The following FRMD4B variants were observed in gnomAD, a reference collection of about 807,000 sequenced individuals.
FRMD4B encodes the protein FERM domain containing 4B.
Under a neutral mutation model 141.5 loss-of-function variants are expected in FRMD4B, and 74 were observed. That is an observed-to-expected ratio of 0.52 (90% confidence interval 0.43 to 0.63). FRMD4B has a LOEUF of 0.63. FRMD4B is among the 30% of genes least tolerant of loss of function. The probability of loss-of-function intolerance (pLI) is 0.00; values close to 1 mark genes in which losing one functional copy is unlikely to be tolerated. For synonymous variants in FRMD4B, 506 were observed against 467.9 expected (o/e 1.08, Z -1.05); for missense variants, 1,366 against 1,253.4 (o/e 1.09, Z -1.36).
intron 7 of FRMD4B, among the ~76,000 whole-genome samples, chr3:69,247,436 C>T (rs1409423378): frequency 2.0e-5 from 3 of 152,164 alleles, no homozygotes; most frequent in African/African-American, 7.2e-5. Context: ...GACTGTGTTC[C>T]TTGCATATCT....
At chr3:69,179,673 T>C (rs751053689) in intron 21 of FRMD4B, among the ~76,000 whole-genome samples, 6 of 152,218 alleles carry the variant, frequency 3.9e-5, no homozygotes, top group Non-Finnish European at 5.9e-5. Flanking sequence ...GGAATCCTTA[T>C]ACTATGTCTC....
At chr3:69,306,829 G>C (rs1217017578) in intron 3 of FRMD4B, 2 of 152,192 alleles carry the variant, frequency 1.3e-5, no homozygotes, top group Non-Finnish European at 2.9e-5. Flanking sequence ...AATAAACTCA[G>C]ACGGCATCCT....
At chr3:69,308,126 T>C (rs1284367600) in intron 3 of FRMD4B, among the ~76,000 whole-genome samples, 1 of 152,164 alleles carries the variant, frequency 6.6e-6, no homozygotes, top group Non-Finnish European at 1.5e-5. Flanking sequence ...TAACACTCCC[T>C]TACTGCAGTA....
Position 69,191,468 on chromosome 3 carries a change from G to GA in FRMD4B, c.1715-1517dup, listed in dbSNP as rs1373879493. Among the ~76,000 whole-genome samples, 4 of 152,222 alleles carry GA rather than the reference G, an allele frequency of 2.6e-5. No homozygotes were observed. In the East Asian group the frequency reaches 5.8e-4, roughly 22 times the overall value. On this transcript the variant is annotated intron_variant, in intron 17 of 22. Transcript: ENST00000398540. Reference sequence around the variant, plus strand: ...CAAAAAAACAAACGTATTCAGTAAAGAAAAGTATCTCAGATGTGTTGATCT... The same window carrying GA: ...CAAAAAAACAAACGTATTCAGTAAAGAAAAAGTATCTCAGATGTGTTGATCT...
At chr3:69,424,961 C>T (rs996938699) in intron 2 of FRMD4B, among the ~76,000 whole-genome samples, 1 of 152,144 alleles carries the variant, frequency 6.6e-6, no homozygotes. Context: ...ACTATAACAG[C>T]CTTTTATTTC....
chr3:69,370,306 C>G (rs1466760809), intron 1 of FRMD4B, among the ~76,000 whole-genome samples: 1 of 152,068 alleles, frequency 6.6e-6, no homozygotes, highest in East Asian at 1.9e-4. Flanking sequence ...CTTCCAGAGC[C>G]CAACCACAGG....
At chr3:69,267,654 GAGAGAGAGAGAGA>G (rs2093573566) in intron 5 of FRMD4B, among the ~76,000 whole-genome samples, 2 of 56,838 alleles carry the variant, frequency 3.5e-5, no homozygotes, top group Non-Finnish European at 7.5e-5. Flanking sequence ...GAGAGAGAGA[GAGAGAGAGAGAGA>G]GAGAGAGAGA....
At chr3:69,227,386 G>C (rs576138467) in intron 7 of FRMD4B, among the ~76,000 whole-genome samples, 1 of 152,092 alleles carries the variant, frequency 6.6e-6, no homozygotes, top group Admixed American at 6.5e-5. Flanking sequence ...ATTCTTAACC[G>C]GGTGCAGTGG....
At chr3:69,204,351 A>G (rs1479050166) in intron 11 of FRMD4B, among the ~76,000 whole-genome samples, 1 of 152,296 alleles carries the variant, frequency 6.6e-6, no homozygotes, top group East Asian at 1.9e-4. Context: ...CAGGACAGGA[A>G]AGACATCAGG....
intron 19 of FRMD4B, among the ~76,000 whole-genome samples, chr3:69,183,636 C>T (rs906678164): frequency 6.6e-6 from 1 of 151,868 alleles, no homozygotes; most frequent in Non-Finnish European, 1.5e-5. Flanking sequence ...GCGCCCACCA[C>T]CACGCCTGGC....
chr3:69,410,785 G>A (rs1704748058), intron 2 of FRMD4B, among the ~76,000 whole-genome samples: 1 of 142,076 alleles, frequency 7.0e-6, no homozygotes, highest in African/African-American at 2.6e-5. Context: ...TTGAGACAGG[G>A]TCTTGCTCTG....
chr3:69,487,062 AT>A (rs1453002215), intron 1 of FRMD4B, among the ~76,000 whole-genome samples: 2 of 152,304 alleles, frequency 1.3e-5, no homozygotes, highest in Non-Finnish European at 2.9e-5. Flanking sequence ...TCTGTAATCT[AT>A]AACCAGATAT....
intron 11 of FRMD4B, among the ~76,000 whole-genome samples, chr3:69,207,763 G>A (rs987607169): frequency 3.3e-5 from 5 of 151,532 alleles, no homozygotes; most frequent in Non-Finnish European, 2.9e-5. Context: ...AGCCAAGATC[G>A]GGCCAATGCA....
intron 1 of FRMD4B, among the ~76,000 whole-genome samples, chr3:69,455,377 G>A (rs1002671973): frequency 2.6e-5 from 4 of 152,230 alleles, no homozygotes; most frequent in Non-Finnish European, 4.4e-5. Flanking sequence ...TTTATGAGCT[G>A]TAACACTCAC....
chr3:69,527,917 C>T (rs1337371047), intron 1 of FRMD4B, among the ~76,000 whole-genome samples: 1 of 152,190 alleles, frequency 6.6e-6, no homozygotes, highest in Non-Finnish European at 1.5e-5. Flanking sequence ...CAAAATGGTC[C>T]TCACTTTAAG....
chr3:69,231,268 G>C (rs1040179438), intron 7 of FRMD4B, among the ~76,000 whole-genome samples: 131 of 152,278 alleles, frequency 8.6e-4, no homozygotes, highest in African/African-American at 3.1e-3. Context: ...TTCCTCACTG[G>C]CTGTGGTTGT....
intron 2 of FRMD4B, among the ~76,000 whole-genome samples, chr3:69,398,332 A>T (rs994456259): frequency 1.3e-5 from 2 of 152,182 alleles, no homozygotes; most frequent in Non-Finnish European, 2.9e-5. Context: ...CAATACTTAC[A>T]ATGTGTAGTG....
At chr3:69,198,911 T>C in intron 11 of FRMD4B, 137 bp from the exon 12 acceptor site, 3 of 620,834 alleles carry the variant, frequency 4.8e-6, no homozygotes, top group South Asian at 4.0e-5. Context: ...TGATTCAGCC[T>C]TTTTACAAAT....
At chr3:69,371,773 T>C (rs1172330877) in intron 1 of FRMD4B, among the ~76,000 whole-genome samples, 1 of 152,240 alleles carries the variant, frequency 6.6e-6, no homozygotes, top group African/African-American at 2.4e-5. Flanking sequence ...TGCCATTTAC[T>C]GACAAATAGC....
Sources: allele counts gnomAD v4.1 joint callset (sites outside exome capture counted in the v4.1 genomes callset), GRCh38; gene constraint gnomAD v4.1.1; transcripts MANE v1.5; gene names NCBI Gene and HGNC (gene_info 2026-07-23, HGNC 2026-07-21).